The following HSF2 variants were observed in gnomAD, a reference collection of about 807,000 sequenced individuals.
HSF2 encodes the protein heat shock factor protein 2.
In HSF2, 21 loss-of-function variants were observed where a neutral mutation model predicts 65.0. The observed-to-expected ratio is 0.32, with a 90% CI of 0.23 to 0.47. The LOEUF is 0.47. Among genes scored for constraint, HSF2 ranks in the 20% least tolerant of loss-of-function variants. HSF2 has a pLI of 1.00. For synonymous variants in HSF2, 225 were observed against 219.1 expected, an observed-to-expected ratio of 1.03 and a Z score of -0.24; for missense variants, 499 against 628.1, an observed-to-expected ratio of 0.79 and a Z score of 2.20.
At chr6:122,409,699 A>G (rs552016086) in intron 1 of HSF2, among the ~76,000 whole-genome samples, 71 of 152,050 alleles carry the variant, frequency 4.7e-4, no homozygotes, top group African/African-American at 1.6e-3. Flanking sequence ...AAATTTCACA[A>G]TGTGTTTTTC....
At chr6:122,408,594 A>T (rs1266051436) in intron 1 of HSF2, among the ~76,000 whole-genome samples, 1 of 152,106 alleles carries the variant, frequency 6.6e-6, no homozygotes, top group African/African-American at 2.4e-5. Context: ...AAATACAAGT[A>T]ATTTTTGTAT....
At chr6:122,415,168 TAAAA>T (rs2114436833) in intron 4 of HSF2, among the ~76,000 whole-genome samples, 1 of 152,292 alleles carries the variant, frequency 6.6e-6, no homozygotes, top group African/African-American at 2.4e-5. Context: ...CAGTTTCAAT[TAAAA>T]AAGGTGAACG....
chr6:122,422,967 T>A lies in HSF2; in HGVS notation c.1070+10T>A. The A allele has an allele frequency of 6.2e-7, 1 of 1,612,466 alleles. No homozygotes were observed. Among genetic ancestry groups the A allele is most frequent in the African/African-American group, 1.3e-5 (1 of 74,994 alleles). ...TCAATCTTTTGGGAAAGTGAGTGCT[T>A]ATCTAGATGTTGTCTAAAATTATTT... is the stretch of plus-strand genomic sequence containing the variant. On this transcript the variant is annotated intron_variant, in intron 9 of 12. Transcript: ENST00000368455.
At chr6:122,404,638 C>G (rs1026122396) in intron 1 of HSF2, among the ~76,000 whole-genome samples, 2 of 152,172 alleles carry the variant, frequency 1.3e-5, no homozygotes, top group African/African-American at 4.8e-5. Flanking sequence ...TCTTTGGACT[C>G]TTGCCAACAT....
At chr6:122,410,951 T>TG (rs1773977652) in intron 1 of HSF2, among the ~76,000 whole-genome samples, 2 of 148,792 alleles carry the variant, frequency 1.3e-5, no homozygotes, top group South Asian at 4.2e-4. Context: ...TTTTTGGGTT[T>TG]TTTTTTTTTT....
intron 9 of HSF2, 37 bp downstream of exon 9, chr6:122,422,994 C>G: frequency 1.2e-6 from 2 of 1,607,572 alleles, no homozygotes; most frequent in South Asian, 2.2e-5. Context: ...AAATTATTTG[C>G]TTTCTTTGTT....
At chr6:122,431,879 C>G (rs1274830264) in intron 12 of HSF2, 46 bp from the exon 13 acceptor site, 1 of 1,532,862 alleles carries the variant, frequency 6.5e-7, no homozygotes, top group Admixed American at 1.9e-5. Flanking sequence ...TCAGCTTGAA[C>G]TCAGTATAAG....
At chr6:122,401,110 T>C (rs1354710199) in intron 1 of HSF2, among the ~76,000 whole-genome samples, 2 of 152,230 alleles carry the variant, frequency 1.3e-5, no homozygotes, top group Admixed American at 6.5e-5. Flanking sequence ...GTGTGTTCTT[T>C]ATGAGCAACT....
At chr6:122,413,353 C>A (rs546881666) in intron 3 of HSF2, among the ~76,000 whole-genome samples, 172 bp from the exon 4 acceptor site, 16 of 151,924 alleles carry the variant, frequency 1.1e-4, no homozygotes, top group African/African-American at 3.9e-4. Context: ...TCCTTGCGTT[C>A]TCTCCCATTG....
chr6:122,425,265 G>A (rs1774315090), intron 10 of HSF2, among the ~76,000 whole-genome samples: 2 of 151,904 alleles, frequency 1.3e-5, no homozygotes, highest in Non-Finnish European at 2.9e-5. Flanking sequence ...CTGAAGCTTT[G>A]TATTGTGTTG....
At chr6:122,409,322 C>T (rs1773937539) in intron 1 of HSF2, among the ~76,000 whole-genome samples, 2 of 151,898 alleles carry the variant, frequency 1.3e-5, no homozygotes, top group African/African-American at 2.4e-5. Flanking sequence ...AAGATCAGGA[C>T]TGAAAAGAGG....
intron 12 of HSF2, 31 bp downstream of exon 12, chr6:122,431,545 A>T (rs576856847): frequency 7.8e-7 from 1 of 1,275,470 alleles, no homozygotes; most frequent in African/African-American, 1.5e-5. Context: ...CAGTCTCTGT[A>T]GGTTTTTTTA....
intron 12 of HSF2, 21 bp downstream of exon 12, chr6:122,431,535 C>G (rs745919293): frequency 6.6e-6 from 9 of 1,371,304 alleles, no homozygotes; most frequent in Non-Finnish European, 9.3e-6. Context: ...ATATAGTATT[C>G]AGTCTCTGTA....
intron 6 of HSF2, 33 bp downstream of exon 6, chr6:122,419,262 A>G (rs1338537281): frequency 9.5e-6 from 10 of 1,057,184 alleles, no homozygotes; most frequent in Non-Finnish European, 1.4e-5. Context: ...TATGTCCTGT[A>G]TATAGGCAGT....
chr6:122,414,859 C>T (rs1034236952), intron 4 of HSF2, among the ~76,000 whole-genome samples: 2 of 152,188 alleles, frequency 1.3e-5, no homozygotes, highest in South Asian at 4.1e-4. Context: ...TCAAGTGATC[C>T]GCCCACATCG....
chr6:122,427,783 T>C (rs1251777059), intron 10 of HSF2, 120 bp from the exon 11 acceptor site: 1 of 576,832 alleles, frequency 1.7e-6, no homozygotes, highest in African/African-American at 1.9e-5. Context: ...TTTAACTGTA[T>C]AGAAGCTTCC....
intron 11 of HSF2, 97 bp downstream of exon 11, chr6:122,428,053 G>T: frequency 1.5e-6 from 1 of 688,584 alleles, no homozygotes. Flanking sequence ...GCCACAAAAA[G>T]CATTTTATAT....
chr6:122,401,770 C>T (rs1246809381), intron 1 of HSF2, among the ~76,000 whole-genome samples: 1 of 151,974 alleles, frequency 6.6e-6, no homozygotes, highest in Non-Finnish European at 1.5e-5. Context: ...TGAGATCCCT[C>T]GAAAATGTAA....
At chr6:122,407,190 C>G (rs954938279) in intron 1 of HSF2, among the ~76,000 whole-genome samples, 3 of 152,142 alleles carry the variant, frequency 2.0e-5, no homozygotes, top group African/African-American at 4.8e-5. Context: ...GAAAATGGCT[C>G]AGGAAAGAGA....
Sources: gnomAD v4.1 joint callset for allele counts (sites outside exome capture counted in the v4.1 genomes callset) on GRCh38, gnomAD v4.1.1 for gene constraint, MANE v1.5 for transcripts, NCBI Gene and HGNC (gene_info 2026-07-23, HGNC 2026-07-21) for gene names.